Variants in VPS8 observed in about 807,000 individuals in gnomAD.
VPS8 encodes the protein vacuolar protein sorting-associated protein 8 homolog.
In VPS8, 129 loss-of-function variants were observed where a neutral mutation model predicts 216.4. The ratio of observed to expected loss-of-function variants is 0.60; its 90% CI spans 0.52 to 0.69. The LOEUF is 0.69. Ranked by LOEUF, VPS8 falls within the 30% of genes least tolerant of loss-of-function variation. The pLI, the probability that VPS8 is intolerant of heterozygous loss-of-function variation, is 0.00. For missense variants in VPS8, 1,531 were observed against 1,683.5 expected (o/e 0.91, Z 1.59); for synonymous variants, 571 against 565.4 (o/e 1.01, Z -0.14).
chr3:184,878,769 A>G (rs1239990824), intron 21 of VPS8, among the ~76,000 whole-genome samples: 3 of 152,206 alleles, frequency 2.0e-5, no homozygotes, highest in Non-Finnish European at 4.4e-5. Context: ...AAAGAAAAAT[A>G]CATACACACA....
intron 26 of VPS8, among the ~76,000 whole-genome samples, chr3:184,914,357 C>T (rs921950455): frequency 2.6e-5 from 4 of 152,146 alleles, no homozygotes; most frequent in African/African-American, 9.7e-5. Context: ...TTAAAATTTG[C>T]TCCCTCCCCG....
intron 45 of VPS8, among the ~76,000 whole-genome samples, chr3:185,009,477 A>G (rs1212233414): frequency 2.0e-5 from 3 of 152,226 alleles, no homozygotes; most frequent in African/African-American, 4.8e-5. Flanking sequence ...GTGGGAATGC[A>G]TATTTGTATA....
At chr3:184,941,478 C>G (rs1390999574) in intron 36 of VPS8, among the ~76,000 whole-genome samples, 1 of 141,424 alleles carries the variant, frequency 7.1e-6, no homozygotes, top group Non-Finnish European at 1.5e-5. Flanking sequence ...AGAGTCAGTT[C>G]GGGCCCTTTT....
chr3:184,836,426 A>C (rs1474604685), intron 5 of VPS8: 1 of 405,686 alleles, frequency 2.5e-6, no homozygotes, highest in Non-Finnish European at 4.9e-6. Context: ...AGTAATGGAG[A>C]CTGAGCTAAA....
chr3:185,031,351 G>A (rs1282493550), intron 46 of VPS8, among the ~76,000 whole-genome samples: 1 of 152,138 alleles, frequency 6.6e-6, no homozygotes, highest in Non-Finnish European at 1.5e-5. Flanking sequence ...ACAACAAAAT[G>A]ATAGCCCTTG....
chr3:185,004,603 T>C (rs1273216267), intron 45 of VPS8, among the ~76,000 whole-genome samples: 1 of 152,194 alleles, frequency 6.6e-6, no homozygotes, highest in African/African-American at 2.4e-5. Flanking sequence ...TCAATTTGCA[T>C]TTCTCTGATA....
chr3:184,818,636 G>C (rs1716880133), intron 1 of VPS8, among the ~76,000 whole-genome samples: 1 of 151,526 alleles, frequency 6.6e-6, no homozygotes, highest in South Asian at 2.1e-4. Flanking sequence ...ACAAAACAAA[G>C]GAATGAAGAG....
intron 44 of VPS8, among the ~76,000 whole-genome samples, chr3:184,998,806 C>T (rs1282125481): frequency 1.3e-5 from 2 of 151,908 alleles, no homozygotes; most frequent in East Asian, 3.9e-4. Context: ...CAAATCACAA[C>T]CCTTGCCTTG....
intron 20 of VPS8, 52 bp downstream of exon 20, chr3:184,869,580 T>C (rs1380918240): frequency 1.5e-5 from 24 of 1,584,588 alleles, no homozygotes; most frequent in Non-Finnish European, 2.1e-5. Context: ...TTTGCTTTTG[T>C]CATTTGCCAG....
chr3:184,872,081 T>C (rs1206986761), intron 21 of VPS8, among the ~76,000 whole-genome samples: 2 of 152,140 alleles, frequency 1.3e-5, no homozygotes, highest in Admixed American at 1.3e-4. Flanking sequence ...AGAAAGCATT[T>C]GGGAACAAAA....
intron 15 of VPS8, among the ~76,000 whole-genome samples, chr3:184,860,576 A>G (rs1474693955): frequency 1.3e-5 from 2 of 152,010 alleles, no homozygotes; most frequent in Non-Finnish European, 2.9e-5. Flanking sequence ...CTTTCAGTCT[A>G]TGTCCTGCTG....
intron 1 of VPS8, chr3:184,815,786 C>T (rs1402539679): frequency 6.9e-6 from 1 of 143,992 alleles, no homozygotes. Context: ...CGTTGCAGTT[C>T]AGCAAGACGC....
chr3:185,018,972 G>T (rs1756238731), intron 45 of VPS8, among the ~76,000 whole-genome samples: 1 of 152,176 alleles, frequency 6.6e-6, no homozygotes, highest in Non-Finnish European at 1.5e-5. Flanking sequence ...TAATGAGGGG[G>T]TGTAGAAGGG....
chr3:184,919,656 A>G (rs1391865429), intron 28 of VPS8, among the ~76,000 whole-genome samples: 1 of 152,170 alleles, frequency 6.6e-6, no homozygotes, highest in African/African-American at 2.4e-5. Context: ...TAATTTTTAA[A>G]AATGCCTATC....
intron 46 of VPS8, among the ~76,000 whole-genome samples, chr3:185,026,759 A>T (rs566158772): frequency 2.3e-5 from 3 of 128,488 alleles, no homozygotes; most frequent in Admixed American, 1.0e-4. Context: ...CCCAGGCTGG[A>T]GTGCAGTGGC....
chr3:185,045,175 GT>G (rs1712584629), intron 46 of VPS8, among the ~76,000 whole-genome samples: 2 of 41,998 alleles, frequency 4.8e-5, no homozygotes, highest in Admixed American at 2.6e-4. Context: ...TGCCACCAGT[GT>G]CAATACAAAG....
rs573126930 is a variant in VPS8, at chr3:184,980,212, C to T, written c.3421-2354C>T. Among the ~76,000 whole-genome samples, 203 of 151,566 alleles carry T rather than the reference C, an allele frequency of 1.3e-3. 1 individual carries two copies. The highest frequency in any genetic ancestry group is 4.7e-3 in the African/African-American group (195 of 41,284). The stretch of plus-strand genomic sequence containing the variant: ...TAGGTGACCTGCCCCTTCTTTCTAG[C>T]GGCCTTTAGTTTTTTTTTTCATGTT... On this transcript the variant is annotated intron_variant, in intron 40 of 47. Transcript: ENST00000625842.
chr3:184,852,426 A>G (rs188984274), intron 10 of VPS8, 74 bp from the exon 11 acceptor site: 1 of 1,386,492 alleles, frequency 7.2e-7, no homozygotes, highest in East Asian at 2.3e-5. Flanking sequence ...GTTTTTCAAA[A>G]TTGTATAATT....
At chr3:184,926,052 G>C (rs1435047473) in intron 30 of VPS8, among the ~76,000 whole-genome samples, 15 of 150,320 alleles carry the variant, frequency 1.0e-4, no homozygotes, top group Non-Finnish European at 2.2e-4. Context: ...TGGGATTACA[G>C]GTGTGAGCCA....
Sources: gnomAD v4.1 joint callset for allele counts (sites outside exome capture counted in the v4.1 genomes callset) on GRCh38, gnomAD v4.1.1 for gene constraint, MANE v1.5 for transcripts, NCBI Gene and HGNC (gene_info 2026-07-23, HGNC 2026-07-21) for gene names.